Variants in SPTLC3 observed in about 807,000 individuals in gnomAD.
The protein encoded by SPTLC3 is serine palmitoyltransferase 3.
In SPTLC3, 36 loss-of-function variants were observed where a neutral mutation model predicts 59.3. The observed-to-expected ratio is 0.61, with a 90% CI of 0.47 to 0.80. The LOEUF (loss-of-function observed/expected upper bound fraction) is 0.80. Ranked by LOEUF, SPTLC3 falls within the 30% of genes least tolerant of loss-of-function variation. The pLI is 0.00. For missense variants in SPTLC3, 625 were observed against 685.1 expected (o/e 0.91, Z 0.98); for synonymous variants, 257 against 240.8 (o/e 1.07, Z -0.62).
chr20:13,066,705 T>C (rs1226152759), intron 2 of SPTLC3, among the ~76,000 whole-genome samples: 1 of 152,062 alleles, frequency 6.6e-6, no homozygotes, highest in Non-Finnish European at 1.5e-5. Flanking sequence ...ATCTTAAAAT[T>C]CAAATCTTTC....
intron 9 of SPTLC3, among the ~76,000 whole-genome samples, chr20:13,152,989 C>T (rs1046802228): frequency 9.8e-5 from 15 of 152,336 alleles, no homozygotes; most frequent in Admixed American, 4.6e-4. Flanking sequence ...TTCGTCTGAA[C>T]ATCTCACCAC....
Position 13,114,032 on chromosome 20 carries a change from A to C in SPTLC3, c.933-3474A>C, listed in dbSNP as rs544052880. Among the ~76,000 whole-genome samples, 12 of 152,352 alleles carry C rather than the reference A, an allele frequency of 7.9e-5. No individual in the cohort carries two copies. The South Asian group carries it at 1.2e-3, about 16-fold the overall frequency. On this transcript the variant is annotated intron_variant, in intron 7 of 11. Coordinates refer to ENST00000399002, the MANE Select transcript of SPTLC3 (RefSeq NM_018327.4). Reference sequence around the variant, plus strand: ...TGCCCCAGGACAGATAACCGAGATGAGGCAGAGCGGGGATTAAAACCAGGT... The same window carrying C: ...TGCCCCAGGACAGATAACCGAGATGCGGCAGAGCGGGGATTAAAACCAGGT...
At chr20:13,129,867 A>G (rs2038082960) in intron 9 of SPTLC3, among the ~76,000 whole-genome samples, 1 of 152,172 alleles carries the variant, frequency 6.6e-6, no homozygotes, top group African/African-American at 2.4e-5. Context: ...CCTTATACCT[A>G]AAGAATTCTT....
intron 2 of SPTLC3, among the ~76,000 whole-genome samples, chr20:13,066,270 T>C (rs1988207041): frequency 7.7e-6 from 1 of 130,688 alleles, no homozygotes; most frequent in African/African-American, 2.8e-5. Context: ...CCAATTTCAT[T>C]ATTCTGCATA....
chr20:13,015,211 T>A (rs1391003782), intron 1 of SPTLC3, among the ~76,000 whole-genome samples: 1 of 152,156 alleles, frequency 6.6e-6, no homozygotes, highest in Non-Finnish European at 1.5e-5. Context: ...AAGGGATATA[T>A]CAAGGGTAAA....
intron 1 of SPTLC3, among the ~76,000 whole-genome samples, chr20:13,048,326 T>C (rs954758266): frequency 2.0e-5 from 3 of 152,240 alleles, no homozygotes; most frequent in African/African-American, 7.2e-5. Context: ...GATTTACTTG[T>C]TTCCCTTAAG....
intron 9 of SPTLC3, among the ~76,000 whole-genome samples, chr20:13,132,259 C>T (rs1385618188): frequency 6.7e-6 from 1 of 149,300 alleles, no homozygotes; most frequent in Admixed American, 6.8e-5. Flanking sequence ...TCACTGCAAC[C>T]TCCACCTCTC....
At chr20:13,135,391 C>T (rs965379062) in intron 9 of SPTLC3, among the ~76,000 whole-genome samples, 6 of 152,304 alleles carry the variant, frequency 3.9e-5, no homozygotes, top group African/African-American at 9.6e-5. Context: ...GACTGCTGAT[C>T]TTCCTCCCAT....
chr20:13,090,760 T>C (rs774300464), intron 4 of SPTLC3, among the ~76,000 whole-genome samples: 3 of 152,240 alleles, frequency 2.0e-5, no homozygotes, highest in Non-Finnish European at 4.4e-5. Context: ...AACGAAATGA[T>C]ACAGCCTGTA....
In SPTLC3 at chr20:13,020,936, A is replaced by G. The variant is rs529188255; in HGVS notation, c.117+11552A>G. Reference sequence around the variant, plus strand: ...AGTAGATAGTCAATAAATGATTATTATCTATTAACATTAGCCTGCAGTCAC... The same window carrying G: ...AGTAGATAGTCAATAAATGATTATTGTCTATTAACATTAGCCTGCAGTCAC... On this transcript the variant is annotated intron_variant, in intron 1 of 11. Coordinates refer to ENST00000399002, the MANE Select transcript of SPTLC3 (RefSeq NM_018327.4). Among the ~76,000 whole-genome samples, 14 of 152,306 alleles carry G rather than the reference A, an allele frequency of 9.2e-5. No individual in the cohort carries two copies. In the East Asian group the frequency reaches 2.7e-3, roughly 29 times the overall value.
At chr20:13,024,466 C>T (rs1375730337) in intron 1 of SPTLC3, among the ~76,000 whole-genome samples, 1 of 152,182 alleles carries the variant, frequency 6.6e-6, no homozygotes, top group East Asian at 1.9e-4. Context: ...AAATACACTT[C>T]ACTTCTAAAC....
At chr20:13,067,638 T>G (rs1176694564) in intron 2 of SPTLC3, among the ~76,000 whole-genome samples, 1 of 152,228 alleles carries the variant, frequency 6.6e-6, no homozygotes, top group East Asian at 1.9e-4. Context: ...TCTGCCATCT[T>G]TATTCAATAT....
At chr20:13,141,003 T>C (rs1425855046) in intron 9 of SPTLC3, among the ~76,000 whole-genome samples, 1 of 152,180 alleles carries the variant, frequency 6.6e-6, no homozygotes, top group Non-Finnish European at 1.5e-5. Context: ...CAACCTTTGC[T>C]CTGGTCCCTG....
intron 2 of SPTLC3, chr20:13,049,790 A>G (rs1987397994): frequency 6.6e-6 from 1 of 152,052 alleles, no homozygotes; most frequent in Non-Finnish European, 1.5e-5. Context: ...TGTGGAGACA[A>G]TCCCCAGTAC....
Position 13,154,091 on chromosome 20 carries a change from G to C in SPTLC3, c.1368G>C (p.Glu456Asp), listed in dbSNP as rs1425922720. Residue 456 changes from glutamate to aspartate, a missense_variant, in exon 10 of 12, where the codon GAG (glutamate) becomes GAC (aspartate). Glu to Asp is a conservative substitution (Grantham distance 45, BLOSUM62 2). Transcript: ENST00000399002. The part of the protein sequence containing the change: ...QEMGFIIYGN[E>D]NASVVPLLLY... Reference sequence around the variant, plus strand: ...TGGGATTCATTATCTATGGCAATGAGAATGCTTCTGTTGTTCCTCTGCTTC... The same window carrying C: ...TGGGATTCATTATCTATGGCAATGACAATGCTTCTGTTGTTCCTCTGCTTC... 1 of 1,614,148 alleles carries C rather than the reference G, an allele frequency of 6.2e-7. No individual in the cohort carries two copies. Among genetic ancestry groups the C allele is most frequent in the Non-Finnish European group, 8.5e-7 (1 of 1,180,004 alleles).
Position 13,168,603 on chromosome 20 carries a change from C to T in SPTLC3, c.*3736C>T, listed in dbSNP as rs368700536. On this transcript the variant is annotated 3_prime_UTR_variant, in exon 12 of 12. Coordinates refer to ENST00000399002, the MANE Select transcript of SPTLC3 (RefSeq NM_018327.4). ...GTAAAAGTCTTAACAGTTCTTCAAA[C>T]GAACAATATTCTTTTGTATTTTTCT... 9.2e-5 allele frequency: 14 copies of T among 152,272 alleles called. No individual in the cohort carries two copies. The highest frequency in any genetic ancestry group is 6.5e-4 in the Admixed American group (10 of 15,296). 9.4% of individuals were successfully genotyped at this position (152,272 alleles called of 1,614,324 possible).
intron 1 of SPTLC3, among the ~76,000 whole-genome samples, chr20:13,013,199 C>A (rs1985345656): frequency 6.6e-6 from 1 of 152,200 alleles, no homozygotes; most frequent in South Asian, 2.1e-4. Flanking sequence ...GTTTTAGAAC[C>A]ATTTAAGCTG....
chr20:13,144,571 ATT>A (rs1459471461), intron 9 of SPTLC3, among the ~76,000 whole-genome samples: 1 of 152,242 alleles, frequency 6.6e-6, no homozygotes, highest in Non-Finnish European at 1.5e-5. Flanking sequence ...AGGCTGAATT[ATT>A]CTCTGGTGTC....
rs537363384 is a variant in SPTLC3, at chr20:13,127,007, C to T, written c.1279+290C>T. 9.2e-5 allele frequency among the ~76,000 whole-genome samples: 14 copies of T among 152,344 alleles called. No homozygotes were observed. In the South Asian group the frequency reaches 2.3e-3, roughly 25 times the overall value. On this transcript the variant is annotated intron_variant, in intron 9 of 11. Transcript: ENST00000399002. ...GTTTGTGTGCGTGTGTGTGCGCGCA[C>T]GTGAGCGTGCACATGTTTGCCTGTG...
Sources: gnomAD v4.1 joint callset for allele counts (sites outside exome capture counted in the v4.1 genomes callset) on GRCh38, gnomAD v4.1.1 for gene constraint, MANE v1.5 for transcripts, NCBI Gene and HGNC (gene_info 2026-07-23, HGNC 2026-07-21) for gene names.